PSD3: variants seen among roughly 807,000 people sequenced by gnomAD.
PSD3 encodes PH and SEC7 domain-containing protein 3.
Under a neutral mutation model 105.5 loss-of-function variants are expected in PSD3, and 49 were observed. That is an observed-to-expected ratio of 0.46 (90% CI 0.37 to 0.59). The LOEUF is 0.59. Among genes scored for constraint, PSD3 ranks in the 20% least tolerant of loss-of-function variants. The probability of loss-of-function intolerance (pLI) is 0.00; values close to 1 mark genes in which losing one functional copy is unlikely to be tolerated. For missense variants in PSD3, 1,561 were observed against 1,263.8 expected (o/e 1.24, Z -3.57); for synonymous variants, 557 against 457.8 (o/e 1.22, Z -2.77).
At chr8:19,022,354 T>C (rs1325802596) in intron 1 of PSD3, among the ~76,000 whole-genome samples, 1 of 152,182 alleles carries the variant, frequency 6.6e-6, no homozygotes, top group Non-Finnish European at 1.5e-5. Context: ...CTGGAACATT[T>C]CTTCCTGCTG....
At chr8:18,835,282 A>G (rs1165841483) in intron 4 of PSD3, among the ~76,000 whole-genome samples, 1 of 152,200 alleles carries the variant, frequency 6.6e-6, no homozygotes, top group Non-Finnish European at 1.5e-5. Flanking sequence ...TAATAAGACC[A>G]CAAAAGAAAC....
chr8:18,732,171 C>A (rs745652029), intron 9 of PSD3, among the ~76,000 whole-genome samples: 3 of 151,934 alleles, frequency 2.0e-5, no homozygotes, highest in South Asian at 2.1e-4. Flanking sequence ...CAACCCTCCT[C>A]CCCCCCGAAA....
upstream of PSD3, among the ~76,000 whole-genome samples, chr8:19,014,692 C>G (rs937738322): frequency 2.0e-5 from 3 of 152,216 alleles, no homozygotes; most frequent in African/African-American, 7.2e-5. The surrounding 1 kb of genome is among the most constrained non-coding windows in gnomAD (Gnocchi z 4.9). Flanking sequence ...GCCCCAATAA[C>G]GAGAAGTGAC....
At chr8:18,937,799 C>T (rs55933748) in intron 1 of PSD3, among the ~76,000 whole-genome samples, 2,246 of 152,188 alleles carry the variant, frequency 0.015, 50 homozygotes, top group African/African-American at 0.05. Flanking sequence ...GGGGCTGCCA[C>T]GTAAGGTGCC....
chr8:18,835,540 A>G (rs1814033825), intron 4 of PSD3, among the ~76,000 whole-genome samples: 2 of 152,234 alleles, frequency 1.3e-5, no homozygotes, highest in African/African-American at 4.8e-5. Context: ...TAGAGGACAG[A>G]GAAGTGATAA....
chr8:18,759,908 T>C (rs1806368882), intron 9 of PSD3, among the ~76,000 whole-genome samples: 1 of 148,084 alleles, frequency 6.8e-6, no homozygotes, highest in South Asian at 2.1e-4. Flanking sequence ...CCCTGTGTCT[T>C]TTCTGTATAT....
At chr8:19,036,576 G>T (rs1827949963) in intron 1 of PSD3, among the ~76,000 whole-genome samples, 1 of 152,172 alleles carries the variant, frequency 6.6e-6, no homozygotes, top group South Asian at 2.1e-4. Flanking sequence ...AAGCAAACCA[G>T]TTGAGCTCAG....
chr8:18,905,290 C>A (rs559477826), intron 2 of PSD3, among the ~76,000 whole-genome samples: 4 of 152,118 alleles, frequency 2.6e-5, no homozygotes, highest in Admixed American at 6.6e-5. Flanking sequence ...ATGAAGCTCT[C>A]CATGCCTCAC....
chr8:18,843,580 GA>G (rs1464566142), intron 4 of PSD3, among the ~76,000 whole-genome samples: 1 of 152,118 alleles, frequency 6.6e-6, no homozygotes, highest in African/African-American at 2.4e-5. Context: ...ACAGCTTTGA[GA>G]TACAATTTCA....
intron 1 of PSD3, among the ~76,000 whole-genome samples, chr8:18,961,464 G>A (rs1225941924): frequency 1.3e-5 from 2 of 152,128 alleles, no homozygotes; most frequent in African/African-American, 2.4e-5. Context: ...CAAGGCGGGC[G>A]GATCATCTAA....
chr8:18,775,424 G>T (rs544095947), intron 8 of PSD3, among the ~76,000 whole-genome samples: 1 of 152,114 alleles, frequency 6.6e-6, no homozygotes, highest in Admixed American at 6.5e-5. Flanking sequence ...GTTTTTCAAT[G>T]AGCATTCACA....
intron 4 of PSD3, among the ~76,000 whole-genome samples, chr8:18,848,925 A>T (rs1371563375): frequency 6.6e-6 from 1 of 152,218 alleles, no homozygotes; most frequent in Non-Finnish European, 1.5e-5. Context: ...ATGCTCAGCT[A>T]TGCAATTTCC....
chr8:18,803,613 G>A lies in PSD3; in HGVS notation c.1910+909C>T, dbSNP rs1334918088. On this transcript the variant is annotated intron_variant, in intron 6 of 15. Transcript: ENST00000327040. ...ATGGGGTATTACTCAGCCTTAGAACGGGAAGACATTCTGATATATGCTACA... is the reference window on the plus strand; with the variant it reads ...ATGGGGTATTACTCAGCCTTAGAACAGGAAGACATTCTGATATATGCTACA... Among the ~76,000 whole-genome samples the A allele has an allele frequency of 2.0e-5, 3 of 151,976 alleles. No individual in the cohort carries two copies. In the South Asian group the frequency reaches 6.2e-4, roughly 32 times the overall value.
chr8:18,804,660 A>G (rs1421299372), intron 5 of PSD3, 44 bp downstream of exon 5: 2 of 1,611,854 alleles, frequency 1.2e-6, no homozygotes, highest in Non-Finnish European at 1.7e-6. Context: ...AAACACACAC[A>G]AAACAGGAGA....
chr8:18,875,924 A>T (rs1192595478), intron 2 of PSD3, among the ~76,000 whole-genome samples: 1 of 152,188 alleles, frequency 6.6e-6, no homozygotes, highest in East Asian at 1.9e-4. Context: ...GCCCCTGGTA[A>T]CTACCAATAT....
intron 4 of PSD3, among the ~76,000 whole-genome samples, chr8:18,834,540 G>A (rs552375928): frequency 1.7e-4 from 26 of 152,284 alleles, no homozygotes; most frequent in African/African-American, 6.3e-4. Context: ...CAGCTGACTG[G>A]AACAGGAGTG....
chr8:18,757,100 C>G (rs1016424382), intron 9 of PSD3, among the ~76,000 whole-genome samples: 2 of 149,136 alleles, frequency 1.3e-5, no homozygotes, highest in Non-Finnish European at 3.0e-5. Context: ...AGATCTGTAA[C>G]TACTCATTTT....
chr8:18,763,617 AAAG>A (rs1346944536), intron 9 of PSD3, among the ~76,000 whole-genome samples: 13 of 152,326 alleles, frequency 8.5e-5, no homozygotes, highest in Non-Finnish European at 1.8e-4. Flanking sequence ...ACAGAAATAA[AAAG>A]AAACCAGGAG....
intron 2 of PSD3, among the ~76,000 whole-genome samples, chr8:18,910,033 G>T (rs2129463572): frequency 6.6e-6 from 1 of 152,234 alleles, no homozygotes; most frequent in African/African-American, 2.4e-5. Context: ...ACAGAGGACT[G>T]CCCCACGAAG....
Sources: allele counts gnomAD v4.1 joint callset (sites outside exome capture counted in the v4.1 genomes callset), GRCh38; gene constraint gnomAD v4.1.1; non-coding constraint Gnocchi (gnomAD v3.1); transcripts MANE v1.5; gene names NCBI Gene and HGNC (gene_info 2026-07-23, HGNC 2026-07-21).